The following ETF1 variants were observed in gnomAD, a reference collection of about 807,000 sequenced individuals.
The protein encoded by ETF1 is eukaryotic peptide chain release factor subunit 1.
A neutral mutation model predicts 55.1 loss-of-function variants in ETF1; 4 were observed. The observed-to-expected ratio is 0.07, with a 90% confidence interval of 0.04 to 0.17. The LOEUF is 0.17. Among genes scored for constraint, ETF1 ranks in the 10% least tolerant of loss-of-function variants. The probability of loss-of-function intolerance (pLI) is 1.00; values close to 1 mark genes in which losing one functional copy is unlikely to be tolerated. For missense variants in ETF1, 142 were observed against 523.6 expected (o/e 0.27, Z 7.11); for synonymous variants, 157 against 182.3 (o/e 0.86, Z 1.12).
chr5:138,538,543 G>C (rs962750206), intron 2 of ETF1, among the ~76,000 whole-genome samples: 2 of 152,090 alleles, frequency 1.3e-5, no homozygotes, highest in Non-Finnish European at 2.9e-5. Context: ...GGGAGGCATG[G>C]AAAGAGCCAG....
chr5:138,522,661 T>C (rs1340098394), intron 2 of ETF1, among the ~76,000 whole-genome samples: 5 of 152,064 alleles, frequency 3.3e-5, no homozygotes, highest in South Asian at 4.1e-4. Context: ...ATGTGGTACA[T>C]TCATATGCTA....
intron 4 of ETF1, among the ~76,000 whole-genome samples, chr5:138,514,569 T>G (rs993063161): frequency 6.6e-5 from 8 of 121,666 alleles, no homozygotes; most frequent in African/African-American, 3.6e-4. Flanking sequence ...AACTTGTTCC[T>G]TTTTTTTTTT....
rs1356784335 is a variant in ETF1 at position 138,512,250 on chromosome 5, ATATATATATTTTTTTT to A, written c.732+498_732+513del. On this transcript the variant is annotated intron_variant, in intron 6 of 10. Coordinates refer to ENST00000360541, the MANE Select transcript of ETF1 (RefSeq NM_004730.4). ...AATATATATATATATATATATATAT[ATATATATATTTTTTTT>A]TTTTTTTAAAGGCAATTTCTTTGGT... is the stretch of plus-strand genomic sequence containing the variant. Among the ~76,000 whole-genome samples the A allele has an allele frequency of 5.9e-4, 7 of 11,862 alleles. 1 individual carries two copies. The highest frequency in any genetic ancestry group is 4.1e-3 in the Admixed American group (3 of 726). 7.8% of individuals were successfully genotyped at this position (11,862 alleles called of 152,430 possible). A position where few individuals can be genotyped will look rare whatever the true frequency, so the allele number is the denominator to read the frequency against.
intron 1 of ETF1, 37 bp from the exon 2 acceptor site, chr5:138,542,973 C>G: frequency 6.3e-7 from 1 of 1,594,782 alleles, no homozygotes; most frequent in Non-Finnish European, 8.6e-7. Context: ...ACACCAAGAC[C>G]ACAGAGTTAG....
At chr5:138,508,505 G>C in intron 10 of ETF1, 118 bp from the exon 11 acceptor site, 2 of 1,561,180 alleles carry the variant, frequency 1.3e-6, no homozygotes, top group Middle Eastern at 3.5e-4. Context: ...AAAGCAAAGA[G>C]GTAATAATAA....
chr5:138,514,884 CTT>C (rs1764953735), intron 4 of ETF1, among the ~76,000 whole-genome samples: 1 of 152,148 alleles, frequency 6.6e-6, no homozygotes, highest in African/African-American at 2.4e-5. Context: ...ATACTACACA[CTT>C]AGTTGATCTC....
At chr5:138,521,821 C>T (rs756288962) in intron 2 of ETF1, among the ~76,000 whole-genome samples, 2 of 152,196 alleles carry the variant, frequency 1.3e-5, no homozygotes, top group Middle Eastern at 3.2e-3. Context: ...TGAGCCACCG[C>T]GCCCAGCCTG....
chr5:138,508,374 G>A lies in ETF1; in HGVS notation c.1245C>T (p.Tyr415=), dbSNP rs751753101. The change falls in exon 11 of 11, where the codon TAC becomes TAT. Residue 415 remains tyrosine (Y), a synonymous_variant. Coordinates refer to ENST00000360541, the MANE Select transcript of ETF1 (RefSeq NM_004730.4). ...GFGGIGGILR[Y]RVDFQGMEYQ... The stretch of plus-strand genomic sequence containing the variant: ...ATTCCATTCCCTGGAAATCTACTCG[G>A]TACCGCAAGATACCTGGGGAAACAA... 2 of 1,613,906 alleles carry A rather than the reference G, an allele frequency of 1.2e-6. No individual in the cohort carries two copies. The highest frequency in any genetic ancestry group is 8.5e-7 in the Non-Finnish European group (1 of 1,179,960).
rs1396135169 is a variant in ETF1, at chr5:138,543,157, G to A, written c.-79C>T. On this transcript the variant is annotated 5_prime_UTR_variant, in exon 1 of 11. Transcript: ENST00000360541. ...TCCCCGGCGGCGGCTCCGCGGCGGCGGCGGCTCTGACGTAGGACACCGGCT... is the reference window on the plus strand; with the variant it reads ...TCCCCGGCGGCGGCTCCGCGGCGGCAGCGGCTCTGACGTAGGACACCGGCT... 1.7e-5 allele frequency: 10 copies of A among 580,274 alleles called. No homozygotes were observed. Among genetic ancestry groups the A allele is most frequent in the South Asian group, 8.7e-5 (4 of 46,042 alleles). 35.9% of individuals were successfully genotyped at this position (580,274 alleles called of 1,614,324 possible). A position where few individuals can be genotyped will look rare whatever the true frequency, so the allele number is the denominator to read the frequency against.
rs1026048251 is a variant in ETF1 at position 138,525,716 on chromosome 5, C to A, written c.87-6849G>T. 1.8e-4 allele frequency among the ~76,000 whole-genome samples: 27 copies of A among 151,636 alleles called. 1 individual carries two copies. The highest frequency in any genetic ancestry group is 6.1e-4 in the African/African-American group (25 of 41,282). ...ATCCCAGCACTGTGGGAGGCCGAGG[C>A]GGGTGGATCACCTGAGGTCAGGAGT... On this transcript the variant is annotated intron_variant, in intron 2 of 10. Transcript: ENST00000360541.
At chr5:138,517,884 C>T (rs1398311780) in intron 3 of ETF1, 184 bp from the exon 4 acceptor site, 35 of 985,050 alleles carry the variant, frequency 3.6e-5, no homozygotes, top group Non-Finnish European at 4.1e-5. Context: ...TCTTCTGAGA[C>T]GTTTCAGTAC....
intron 2 of ETF1, 127 bp from the exon 3 acceptor site, chr5:138,518,994 TA>T: frequency 1.3e-6 from 2 of 1,495,618 alleles, no homozygotes; most frequent in Non-Finnish European, 1.8e-6. Context: ...CTCAAAGGAG[TA>T]ATGTAGGGAC....
At chr5:138,536,488 T>G (rs1395191789) in intron 2 of ETF1, among the ~76,000 whole-genome samples, 1 of 152,174 alleles carries the variant, frequency 6.6e-6, no homozygotes, top group African/African-American at 2.4e-5. Context: ...CCTCAGACTC[T>G]CAATTTCTAA....
At chr5:138,522,634 A>C (rs1226660497) in intron 2 of ETF1, among the ~76,000 whole-genome samples, 1 of 152,224 alleles carries the variant, frequency 6.6e-6, no homozygotes, top group African/African-American at 2.4e-5. Context: ...TGTCCAACTG[A>C]TAAATGAATA....
intron 8 of ETF1, 28 bp from the exon 9 acceptor site, chr5:138,510,657 T>C (rs1764739528): frequency 6.2e-7 from 1 of 1,612,600 alleles, no homozygotes; most frequent in Non-Finnish European, 8.5e-7. Context: ...AAAAATGTGT[T>C]AACCTGGCTC....
intron 2 of ETF1, among the ~76,000 whole-genome samples, chr5:138,537,021 G>C (rs1765965157): frequency 6.6e-6 from 1 of 152,150 alleles, no homozygotes; most frequent in Non-Finnish European, 1.5e-5. Context: ...TATTACAATA[G>C]GAGGTCTGTC....
intron 6 of ETF1, 144 bp downstream of exon 6, chr5:138,512,620 C>T: frequency 8.3e-6 from 5 of 605,894 alleles, no homozygotes; most frequent in East Asian, 3.4e-5. Context: ...TCCTGATAAA[C>T]ATCTGTAAAC....
intron 2 of ETF1, among the ~76,000 whole-genome samples, chr5:138,522,494 CTTAG>C (rs1294823631): frequency 5.3e-5 from 8 of 151,778 alleles, no homozygotes; most frequent in African/African-American, 7.3e-5. Flanking sequence ...CCACTCTACT[CTTAG>C]TTAGATACCC....
At chr5:138,516,288 T>C (rs989845976) in intron 4 of ETF1, among the ~76,000 whole-genome samples, 2 of 152,162 alleles carry the variant, frequency 1.3e-5, no homozygotes, top group African/African-American at 4.8e-5. Context: ...CTATTTTCCA[T>C]AGTGTGATAG....
Sources: gnomAD v4.1 joint callset for allele counts (sites outside exome capture counted in the v4.1 genomes callset) on GRCh38, gnomAD v4.1.1 for gene constraint, MANE v1.5 for transcripts, NCBI Gene and HGNC (gene_info 2026-07-23, HGNC 2026-07-21) for gene names.